Variants in SYBU observed in about 807,000 individuals in gnomAD.
The protein encoded by SYBU is syntabulin.
Under a neutral mutation model 35.9 loss-of-function variants are expected in SYBU, and 21 were observed. The observed-to-expected ratio is 0.58, with a 90% CI of 0.41 to 0.84. The LOEUF (loss-of-function observed/expected upper bound fraction) is 0.84, where lower values mean the gene tolerates loss of function less well. Among genes scored for constraint, SYBU ranks in the 40% least tolerant of loss-of-function variants. The pLI, the probability that SYBU is intolerant of heterozygous loss-of-function variation, is 0.00. For synonymous variants in SYBU, 319 were observed against 324.3 expected (o/e 0.98, Z 0.18); for missense variants, 768 against 848.2 (o/e 0.91, Z 1.17).
chr8:109,575,857 G>A lies in SYBU; in HGVS notation c.1041C>T (p.Ser347=), dbSNP rs760196224. 2.2e-5 allele frequency: 35 copies of A among 1,613,822 alleles called. No individual in the cohort carries two copies. In the East Asian group the frequency reaches 7.8e-4, roughly 36 times the overall value. The change falls in exon 7 of 7, where the codon AGC becomes AGT. Residue 347 remains serine (S), a synonymous_variant. Transcript: ENST00000276646. ...LKQVIETMRS[S]LADKDKGIQK... Reference sequence around the variant, plus strand: ...GAATGCCTTTATCTTTATCAGCCAAGCTGCTCCGCATGGTTTCGATGACCT... The same window carrying A: ...GAATGCCTTTATCTTTATCAGCCAAACTGCTCCGCATGGTTTCGATGACCT...
chr8:109,584,860 A>C lies in SYBU; in HGVS notation c.530+1200T>G, dbSNP rs10105602. Among the ~76,000 whole-genome samples, 25,217 of 152,094 alleles carry C rather than the reference A, an allele frequency of 0.17. 6,042 individuals carry two copies. Among genetic ancestry groups the C allele is most frequent in the African/African-American group, 0.53 (21,946 of 41,408 alleles). On this transcript the variant is annotated intron_variant, in intron 4 of 6. Transcript: ENST00000276646. The surrounding 1 kb of genome is among the most constrained non-coding windows in gnomAD (Gnocchi z 4.0). ...AAGAGACCTTAAAAAGTCACACAGT[A>C]CAACTGTCTTTTGGATACCGTGGCC...
chr8:109,648,842 A>C (rs1815981242), upstream of SYBU: 2 of 151,770 alleles, frequency 1.3e-5, no homozygotes, highest in Non-Finnish European at 2.9e-5. Context: ...GTGCTTCACA[A>C]CACGTCACGA....
At chr8:109,631,486 G>A (rs1246811547) in intron 2 of SYBU, among the ~76,000 whole-genome samples, 1 of 152,188 alleles carries the variant, frequency 6.6e-6, no homozygotes, top group African/African-American at 2.4e-5. Flanking sequence ...CAGTAAAGGA[G>A]GATGCAGGGC....
intron 2 of SYBU, among the ~76,000 whole-genome samples, chr8:109,629,165 G>A (rs1203349750): frequency 1.3e-5 from 2 of 152,176 alleles, no homozygotes; most frequent in African/African-American, 2.4e-5. Flanking sequence ...TTTTAGGTCA[G>A]GAATCTTGAC....
intron 3 of SYBU, among the ~76,000 whole-genome samples, chr8:109,617,221 G>C (rs1208957929): frequency 6.6e-6 from 1 of 152,196 alleles, no homozygotes; most frequent in Non-Finnish European, 1.5e-5. Context: ...CTAAGGGAAA[G>C]AAGCCATGTA....
intron 1 of SYBU, among the ~76,000 whole-genome samples, chr8:109,690,401 C>CT (rs983635076): frequency 6.6e-6 from 1 of 152,180 alleles, no homozygotes. Flanking sequence ...CTGGCAGAAA[C>CT]TTTAAGTTGA....
At position 109,574,219 on chromosome 8, in the gene SYBU, A is replaced by G. The variant is rs1343331632; in HGVS notation, c.*687T>C. On this transcript the variant is annotated 3_prime_UTR_variant, in exon 7 of 7. Transcript: ENST00000276646. ...ATAAAACATTTATTTAAATGGAAAC[A>G]CTAATCTTTATTTTCATCATGCTGA... 6.6e-6 allele frequency: 1 copy of G among 152,618 alleles called. No homozygotes were observed. The highest frequency in any genetic ancestry group is 6.5e-5 in the Admixed American group (1 of 15,282). The allele number at this position is 152,618 out of a possible 1,614,324, so 9.5% of individuals were successfully genotyped here.
intron 3 of SYBU, among the ~76,000 whole-genome samples, chr8:109,610,331 A>G (rs1169115070): frequency 6.6e-6 from 1 of 152,226 alleles, no homozygotes; most frequent in Non-Finnish European, 1.5e-5. Flanking sequence ...AGCATAGAGC[A>G]AACACTTAAT....
chr8:109,655,342 GA>G (rs1351198621), intron 1 of SYBU, among the ~76,000 whole-genome samples: 5 of 152,272 alleles, frequency 3.3e-5, no homozygotes, highest in African/African-American at 9.6e-5. Context: ...ACTTTTTAGG[GA>G]ACTATAATGG....
At chr8:109,630,664 A>G (rs935972250) in intron 2 of SYBU, among the ~76,000 whole-genome samples, 2 of 152,210 alleles carry the variant, frequency 1.3e-5, no homozygotes, top group African/African-American at 2.4e-5. Flanking sequence ...GGTATATGGC[A>G]CTCATTTCTG....
At chr8:109,616,134 C>A (rs1811764636) in intron 3 of SYBU, among the ~76,000 whole-genome samples, 1 of 150,938 alleles carries the variant, frequency 6.6e-6, no homozygotes, top group African/African-American at 2.4e-5. Flanking sequence ...GCCTCAGCCT[C>A]CTGAGTAGCT....
chr8:109,576,795 A>G (rs180741580), intron 6 of SYBU, among the ~76,000 whole-genome samples: 2 of 152,262 alleles, frequency 1.3e-5, no homozygotes, highest in East Asian at 1.9e-4. Flanking sequence ...TTTCATATTC[A>G]GTCCTTACAT....
In SYBU at chr8:109,644,665, C is replaced by T. The variant is rs768873538; in HGVS notation, c.-6G>A. On this transcript the variant is annotated 5_prime_UTR_variant, in exon 1 of 7. Transcript: ENST00000276646. Reference sequence around the variant, plus strand: ...CTCTCGCGGAGGGGCCCCATCGCGCCGCTGCCCGCCGGCTCCTCGCGCCGC... The same window carrying T: ...CTCTCGCGGAGGGGCCCCATCGCGCTGCTGCCCGCCGGCTCCTCGCGCCGC... 4 of 1,519,378 alleles carry T rather than the reference C, an allele frequency of 2.6e-6. No homozygotes were observed. Among genetic ancestry groups the T allele is most frequent in the Non-Finnish European group, 2.6e-6 (3 of 1,140,612 alleles). 94.1% of individuals were successfully genotyped at this position (1,519,378 alleles called of 1,614,324 possible).
chr8:109,592,946 T>G (rs979046413), intron 3 of SYBU, among the ~76,000 whole-genome samples: 6 of 152,064 alleles, frequency 3.9e-5, no homozygotes, highest in Non-Finnish European at 8.8e-5. Flanking sequence ...GAAAATGAAT[T>G]GAGTTAATGC....
At chr8:109,651,750 T>C (rs368552736) in intron 1 of SYBU, among the ~76,000 whole-genome samples, 18 of 152,314 alleles carry the variant, frequency 1.2e-4, no homozygotes, top group African/African-American at 3.6e-4. Context: ...CCTCTGTCCC[T>C]CAGGATCAAA....
In SYBU at chr8:109,674,241, A is replaced by T. The variant is rs1367034419; in HGVS notation, c.-129+6470T>A. On this transcript the variant is annotated intron_variant, in intron 1 of 5. Transcript: ENST00000408889. ...AGACACATAATCATCAGATTCACCA[A>T]GGTTGAAATGAAAAAAAAAAAAAAT... Among the ~76,000 whole-genome samples the T allele has an allele frequency of 5.3e-5, 7 of 133,202 alleles. No individual in the cohort carries two copies. In the East Asian group the frequency reaches 1.4e-3, roughly 28 times the overall value. The allele number at this position is 133,202 out of a possible 152,430, so 87.4% of individuals were successfully genotyped here. A position where few individuals can be genotyped will look rare whatever the true frequency, so the allele number is the denominator to read the frequency against.
intron 1 of SYBU, among the ~76,000 whole-genome samples, chr8:109,655,908 A>T (rs961703496): frequency 6.6e-6 from 1 of 152,154 alleles, no homozygotes; most frequent in African/African-American, 2.4e-5. Context: ...TGAGGTCAGG[A>T]GTTTGAGACC....
chr8:109,596,526 T>A (rs966745575), intron 3 of SYBU, among the ~76,000 whole-genome samples: 1 of 152,254 alleles, frequency 6.6e-6, no homozygotes, highest in Non-Finnish European at 1.5e-5. Flanking sequence ...TGATCACATC[T>A]ATGTATTTTT....
chr8:109,640,444 A>T (rs547374233), intron 2 of SYBU, among the ~76,000 whole-genome samples: 13 of 152,212 alleles, frequency 8.5e-5, no homozygotes, highest in Middle Eastern at 6.8e-3. Flanking sequence ...TTACAGGGAG[A>T]GAATACCAGG....
Sources: gnomAD v4.1 joint callset for allele counts (sites outside exome capture counted in the v4.1 genomes callset) on GRCh38, gnomAD v4.1.1 for gene constraint, Gnocchi (gnomAD v3.1) non-coding constraint, MANE v1.5 for transcripts, NCBI Gene and HGNC (gene_info 2026-07-23, HGNC 2026-07-21) for gene names.